Variants in NOX4 observed in about 807,000 individuals in gnomAD.
The protein encoded by NOX4 is NADPH oxidase 4, also known as kidney oxidase-1.
NOX4 carries 69 observed loss-of-function variants against 87.6 expected under a neutral mutation model. That is an observed-to-expected ratio of 0.79 (90% CI 0.65 to 0.96). The LOEUF (loss-of-function observed/expected upper bound fraction) is 0.96, where lower values mean the gene tolerates loss of function less well. Ranked by LOEUF, NOX4 falls within the 40% of genes least tolerant of loss-of-function variation. NOX4 has a pLI of 0.00. For synonymous variants in NOX4, 275 were observed against 238.2 expected, an observed-to-expected ratio of 1.15 and a Z score of -1.42; for missense variants, 680 against 681.5, an observed-to-expected ratio of 1.00 and a Z score of 0.02.
chr11:89,492,629 C>CCTTTCTG (rs1946887170), upstream of NOX4, among the ~76,000 whole-genome samples: 1 of 152,138 alleles, frequency 6.6e-6, no homozygotes, highest in African/African-American at 2.4e-5. Flanking sequence ...ATGACCAAAT[C>CCTTTCTG]CAGAAAGCTG....
chr11:89,426,414 C>A (rs1189008053), intron 7 of NOX4, among the ~76,000 whole-genome samples: 2 of 151,908 alleles, frequency 1.3e-5, no homozygotes, highest in African/African-American at 4.8e-5. Flanking sequence ...TGAGCTGAAG[C>A]AGGGTGAGGC....
chr11:89,569,577 T>A, the NOX4 span, among the ~76,000 whole-genome samples: 1 of 152,178 alleles, frequency 6.6e-6, no homozygotes, highest in Admixed American at 6.5e-5. Flanking sequence ...GAAAATGGAA[T>A]GCTTATACAC....
chr11:89,530,195 C>G, the NOX4 span, among the ~76,000 whole-genome samples: 2 of 151,368 alleles, frequency 1.3e-5, no homozygotes, highest in Non-Finnish European at 2.9e-5. Context: ...ATCCCATGTT[C>G]TTTCCAGCTG....
At chr11:89,412,579 T>C (rs1240850525) in intron 8 of NOX4, among the ~76,000 whole-genome samples, 7 of 152,064 alleles carry the variant, frequency 4.6e-5, no homozygotes, top group Admixed American at 4.6e-4. Context: ...ATGATGAAAT[T>C]ATTGAGGAAA....
At chr11:89,586,929 A>G in the NOX4 span, among the ~76,000 whole-genome samples, 3 of 152,166 alleles carry the variant, frequency 2.0e-5, no homozygotes, top group Admixed American at 6.5e-5. Context: ...GAAACTAGCA[A>G]TTAGGTGACT....
chr11:89,337,921 T>C (rs1425706636), intron 15 of NOX4, among the ~76,000 whole-genome samples: 1 of 152,066 alleles, frequency 6.6e-6, no homozygotes, highest in Non-Finnish European at 1.5e-5. Context: ...TGATTTAATT[T>C]ATGCATGCTA....
At chr11:89,361,186 T>C (rs1158312235) in intron 12 of NOX4, among the ~76,000 whole-genome samples, 1 of 151,936 alleles carries the variant, frequency 6.6e-6, no homozygotes, top group East Asian at 1.9e-4. Context: ...ACAATAAAGA[T>C]ATGGAACCAA....
chr11:89,555,985 G>C, the NOX4 span, among the ~76,000 whole-genome samples: 1 of 152,002 alleles, frequency 6.6e-6, no homozygotes, highest in Non-Finnish European at 1.5e-5. Flanking sequence ...CTAATTTATA[G>C]GACTTAACAA....
chr11:89,367,571 A>T (rs1229209103), intron 12 of NOX4, among the ~76,000 whole-genome samples: 1 of 152,034 alleles, frequency 6.6e-6, no homozygotes, highest in Non-Finnish European at 1.5e-5. Flanking sequence ...GCAATCATAG[A>T]TCACTCCTTT....
At chr11:89,422,822 T>C (rs575317871) in intron 7 of NOX4, among the ~76,000 whole-genome samples, 1 of 139,584 alleles carries the variant, frequency 7.2e-6, no homozygotes, top group Non-Finnish European at 1.5e-5. Context: ...TTTTTTGAGA[T>C]GCAGTCTTGC....
the NOX4 span, among the ~76,000 whole-genome samples, chr11:89,569,354 A>G: frequency 6.6e-6 from 1 of 152,180 alleles, no homozygotes; most frequent in Non-Finnish European, 1.5e-5. Flanking sequence ...AACTTAAACA[A>G]ACAAACAAAA....
intron 8 of NOX4, among the ~76,000 whole-genome samples, chr11:89,404,443 C>T (rs1942053760): frequency 6.6e-6 from 1 of 152,066 alleles, no homozygotes; most frequent in Admixed American, 6.6e-5. Context: ...TGGAAGATAT[C>T]TTCAAAGAAG....
chr11:89,565,972 G>C, the NOX4 span, among the ~76,000 whole-genome samples: 2,444 of 151,376 alleles, frequency 0.016, 73 homozygotes, highest in African/African-American at 0.056. Flanking sequence ...TGCTGGATTT[G>C]TGCACTAATG....
chr11:89,585,151 A>G, the NOX4 span, among the ~76,000 whole-genome samples: 1 of 152,120 alleles, frequency 6.6e-6, no homozygotes, highest in Non-Finnish European at 1.5e-5. Flanking sequence ...TTTAGGTGTC[A>G]TTAGGCCTCT....
At chr11:89,427,248 C>G (rs319043) in intron 7 of NOX4, among the ~76,000 whole-genome samples, 3 of 151,856 alleles carry the variant, frequency 2.0e-5, no homozygotes, top group Middle Eastern at 3.2e-3. Context: ...AGACCAAAGA[C>G]AGATAAAACC....
chr11:89,329,841 AAAG>A (rs1945394870), intron 17 of NOX4, among the ~76,000 whole-genome samples: 1 of 152,072 alleles, frequency 6.6e-6, no homozygotes, highest in African/African-American at 2.4e-5. Context: ...ACAAAACCTG[AAAG>A]AATTGTCAGC....
chr11:89,338,114 A>T (rs1945802457), intron 15 of NOX4, among the ~76,000 whole-genome samples: 2 of 152,088 alleles, frequency 1.3e-5, no homozygotes, highest in African/African-American at 4.8e-5. Flanking sequence ...AGGCTTTGGC[A>T]ACCTGAGAGG....
the NOX4 span, among the ~76,000 whole-genome samples, chr11:89,537,352 A>G: frequency 2.0e-5 from 3 of 151,870 alleles, no homozygotes; most frequent in Non-Finnish European, 2.9e-5. Context: ...GCATATTTAT[A>G]TCTTTTTATA....
intron 12 of NOX4, among the ~76,000 whole-genome samples, chr11:89,372,091 TG>T (rs1939489749): frequency 6.6e-6 from 1 of 151,870 alleles, no homozygotes; most frequent in Non-Finnish European, 1.5e-5. Flanking sequence ...TATCCTTCCC[TG>T]GTTTTTAGAG....
Sources: gnomAD v4.1 joint callset for allele counts (sites outside exome capture counted in the v4.1 genomes callset) on GRCh38, gnomAD v4.1.1 for gene constraint, MANE v1.5 for transcripts, NCBI Gene and HGNC (gene_info 2026-07-23, HGNC 2026-07-21) for gene names.